Variants in STXBP5L observed in about 807,000 individuals in gnomAD.
STXBP5L encodes syntaxin-binding protein 5-like.
Under a neutral mutation model 144.5 loss-of-function variants are expected in STXBP5L, and 65 were observed. The ratio of observed to expected loss-of-function variants is 0.45; its 90% CI spans 0.37 to 0.55. STXBP5L has a LOEUF of 0.55. Ranked by LOEUF, STXBP5L falls within the 20% of genes least tolerant of loss-of-function variation. STXBP5L has a pLI of 0.00. For missense variants in STXBP5L, 1,298 were observed against 1,405.5 expected (o/e 0.92, Z 1.22); for synonymous variants, 505 against 469.6 (o/e 1.08, Z -0.97).
chr3:121,237,335 T>C (rs527585447), intron 12 of STXBP5L, among the ~76,000 whole-genome samples: 3 of 152,292 alleles, frequency 2.0e-5, no homozygotes, highest in Non-Finnish European at 2.9e-5. Flanking sequence ...CTGGGTCCAT[T>C]TGAGCCATAG....
intron 20 of STXBP5L, among the ~76,000 whole-genome samples, chr3:121,359,983 T>TGTATAATATATATATTATTACTATATA (rs879392394): frequency 9.0e-6 from 1 of 110,924 alleles, no homozygotes; most frequent in Admixed American, 1.0e-4. Flanking sequence ...TAATATAATA[T>TGTATAATATATATATTATTACTATATA]ATATAATATA....
At chr3:121,364,769 C>T (rs1303087685) in intron 20 of STXBP5L, among the ~76,000 whole-genome samples, 1 of 151,804 alleles carries the variant, frequency 6.6e-6, no homozygotes, top group African/African-American at 2.4e-5. Flanking sequence ...AGAAATGCAA[C>T]TGACTTTTAT....
intron 3 of STXBP5L, among the ~76,000 whole-genome samples, chr3:121,036,411 T>C (rs1031456958): frequency 6.6e-6 from 1 of 152,180 alleles, no homozygotes; most frequent in East Asian, 1.9e-4. Context: ...GGTTTTCCTA[T>C]ATAAATTTGA....
At chr3:121,069,459 G>C (rs747997964) in intron 5 of STXBP5L, among the ~76,000 whole-genome samples, 3 of 151,654 alleles carry the variant, frequency 2.0e-5, no homozygotes, top group Admixed American at 1.3e-4. Flanking sequence ...GATCATTTGT[G>C]TGCAAGTATG....
intron 20 of STXBP5L, among the ~76,000 whole-genome samples, chr3:121,370,775 C>A (rs1274467931): frequency 6.6e-6 from 1 of 152,150 alleles, no homozygotes; most frequent in Non-Finnish European, 1.5e-5. Flanking sequence ...CTCTGAAATT[C>A]TTTCCTCAGC....
chr3:120,972,381 G>A (rs1452767242), intron 3 of STXBP5L, among the ~76,000 whole-genome samples: 1 of 151,952 alleles, frequency 6.6e-6, no homozygotes, highest in South Asian at 2.1e-4. Flanking sequence ...ATCATTATTG[G>A]TGTATATAAA....
chr3:121,315,294 A>G (rs2043743467), intron 19 of STXBP5L, among the ~76,000 whole-genome samples: 2 of 152,290 alleles, frequency 1.3e-5, no homozygotes, highest in Admixed American at 1.3e-4. Flanking sequence ...ACCATGGAAT[A>G]CTATGCAGCC....
rs1203913113 is a variant in STXBP5L at position 121,080,494 on chromosome 3, A to G, written c.471-34431A>G. Among the ~76,000 whole-genome samples the G allele has an allele frequency of 2.0e-5, 3 of 152,020 alleles. No homozygotes were observed. The East Asian group carries it at 5.8e-4, about 29-fold the overall frequency. On this transcript the variant is annotated intron_variant, in intron 5 of 26. Transcript: ENST00000471454. ...TTTGTTTCAAGATTTAGAACTTTAG[A>G]ATTTCTTGTAGTGCTGGTGTGGTAG... is the stretch of plus-strand genomic sequence containing the variant.
At chr3:121,168,783 G>C (rs2046592733) in intron 9 of STXBP5L, among the ~76,000 whole-genome samples, 3 of 152,162 alleles carry the variant, frequency 2.0e-5, no homozygotes, top group Admixed American at 1.3e-4. Flanking sequence ...TATTATCCAG[G>C]AGAACTTCCC....
chr3:120,961,107 T>A (rs1438231606), intron 3 of STXBP5L, among the ~76,000 whole-genome samples: 2 of 152,074 alleles, frequency 1.3e-5, no homozygotes, highest in Non-Finnish European at 2.9e-5. Flanking sequence ...AATTTGTTGG[T>A]GCATAGTTGT....
chr3:121,072,691 A>G (rs1245434798), intron 5 of STXBP5L, among the ~76,000 whole-genome samples: 1 of 152,176 alleles, frequency 6.6e-6, no homozygotes, highest in African/African-American at 2.4e-5. Context: ...CTCTGTCATT[A>G]CAGCTCTTTT....
At chr3:121,311,624 C>A (rs1441883096) in intron 19 of STXBP5L, among the ~76,000 whole-genome samples, 4 of 151,906 alleles carry the variant, frequency 2.6e-5, no homozygotes, top group Admixed American at 2.6e-4. Context: ...ACTTAGGAAT[C>A]CAACTTACAA....
chr3:121,290,493 C>G (rs935469923), intron 19 of STXBP5L, among the ~76,000 whole-genome samples: 15 of 152,052 alleles, frequency 9.9e-5, no homozygotes, highest in African/African-American at 3.4e-4. Flanking sequence ...AGAATTGGTA[C>G]CAATCCTATT....
intron 3 of STXBP5L, among the ~76,000 whole-genome samples, chr3:121,038,857 T>G (rs1946945149): frequency 6.6e-6 from 1 of 151,960 alleles, no homozygotes. Context: ...TTAACCCCGG[T>G]AATGTTCTGT....
chr3:121,351,344 C>T (rs1336900083), intron 20 of STXBP5L, among the ~76,000 whole-genome samples: 3 of 152,092 alleles, frequency 2.0e-5, no homozygotes, highest in Non-Finnish European at 4.4e-5. Context: ...GAGTACCCGG[C>T]CGTGTCAGGT....
intron 9 of STXBP5L, among the ~76,000 whole-genome samples, chr3:121,190,255 G>A (rs981386209): frequency 2.6e-5 from 4 of 152,126 alleles, no homozygotes; most frequent in East Asian, 1.9e-4. Context: ...GAGTGGTGAT[G>A]ACTCTTAGCG....
chr3:121,038,778 G>A (rs1946938601), intron 3 of STXBP5L, among the ~76,000 whole-genome samples: 1 of 151,484 alleles, frequency 6.6e-6, no homozygotes. Context: ...TCTGTAATTA[G>A]GTGTATAATT....
intron 9 of STXBP5L, among the ~76,000 whole-genome samples, chr3:121,185,894 GC>G: frequency 6.6e-6 from 1 of 152,256 alleles, no homozygotes; most frequent in East Asian, 1.9e-4. Context: ...GGGCAGTATT[GC>G]CATTTTCACA....
intron 3 of STXBP5L, among the ~76,000 whole-genome samples, chr3:121,007,585 G>C (rs533601100): frequency 6.6e-6 from 1 of 152,020 alleles, no homozygotes; most frequent in African/African-American, 2.4e-5. Context: ...ATTCTCCTCA[G>C]GAATGAGATA....
Sources: allele counts gnomAD v4.1 joint callset (sites outside exome capture counted in the v4.1 genomes callset), GRCh38; gene constraint gnomAD v4.1.1; transcripts MANE v1.5; gene names NCBI Gene and HGNC (gene_info 2026-07-23, HGNC 2026-07-21).